The following ZNF239 variants were observed in gnomAD, a reference collection of about 807,000 sequenced individuals.
The protein encoded by ZNF239 is zinc finger protein (C2H2) homologous to mouse MOK-2.
Under a neutral mutation model 27.5 loss-of-function variants are expected in ZNF239, and 16 were observed. The ratio of observed to expected loss-of-function variants is 0.58; its 90% CI spans 0.39 to 0.88. ZNF239 has a LOEUF of 0.88. Ranked by LOEUF, ZNF239 falls within the 40% of genes least tolerant of loss-of-function variation. The probability of loss-of-function intolerance (pLI) is 0.00; values close to 1 mark genes in which losing one functional copy is unlikely to be tolerated. For synonymous variants in ZNF239, 199 were observed against 192.6 expected, an observed-to-expected ratio of 1.03 and a Z score of -0.27; for missense variants, 527 against 551.9, an observed-to-expected ratio of 0.95 and a Z score of 0.45.
Position 43,557,198 on chromosome 10 carries a change from G to C in ZNF239, c.882C>G (p.Asp294Glu). 1 of 1,613,794 alleles carries C rather than the reference G, an allele frequency of 6.2e-7. No individual in the cohort carries two copies. The highest frequency in any genetic ancestry group is 2.2e-5 in the East Asian group (1 of 44,846). ...TCTGACTAAAGCCCTTCCCACACTTGTCACATTTATAAGGTTTTTCGCCTG... is the reference window on the plus strand; with the variant it reads ...TCTGACTAAAGCCCTTCCCACACTTCTCACATTTATAAGGTTTTTCGCCTG... ...VHTGEKPYKC[D>E]KCGKGFSQSS... is the part of the protein sequence containing the mutation. Residue 294 changes from aspartate to glutamate, a missense_variant, in exon 4 of 4, where the codon GAC (aspartate) becomes GAG (glutamate). Asp to Glu is a conservative substitution (Grantham distance 45). Transcript: ENST00000374446.
chr10:43,556,667 A>G lies in ZNF239; in HGVS notation c.*36T>C, dbSNP rs1050363653. On this transcript the variant is annotated 3_prime_UTR_variant, in exon 4 of 4. Coordinates refer to ENST00000374446, the MANE Select transcript of ZNF239 (RefSeq NM_001099282.2). ...CTAAATATTTAACAGTTTTTACAGT[A>G]TGAGCGCTGTGAAGACCTGAATGGG... 2 of 1,592,494 alleles carry G rather than the reference A, an allele frequency of 1.3e-6. No individual in the cohort carries two copies. The highest frequency in any genetic ancestry group is 2.7e-5 in the African/African-American group (2 of 74,310).
At chr10:43,560,379 A>G (rs539674203) in intron 3 of ZNF239, among the ~76,000 whole-genome samples, 1 of 152,336 alleles carries the variant, frequency 6.6e-6, no homozygotes, top group South Asian at 2.1e-4. Context: ...GACAAGGAAG[A>G]TAGCCCAGCG....
chr10:43,556,934 C>A lies in ZNF239; in HGVS notation c.1146G>T (p.Lys382Asn), dbSNP rs753462647. ...EKPYQCYECGKGFSQSSDLRI... is the reference protein window; with the variant it reads ...EKPYQCYECGNGFSQSSDLRI... ...GAAGATCCGAGCTCTGGCTGAAACCCTTCCCACACTCATAGCATTGGTAAG... is the reference window on the plus strand; with the variant it reads ...GAAGATCCGAGCTCTGGCTGAAACCATTCCCACACTCATAGCATTGGTAAG... The change falls in exon 4 of 4, where the codon AAG (lysine) becomes AAT (asparagine). Residue 382 changes from lysine to asparagine, a missense_variant. Physicochemically the swap from Lys to Asn is moderately conservative, Grantham distance 94. Coordinates refer to ENST00000374446, the MANE Select transcript of ZNF239 (RefSeq NM_001099282.2). 6.2e-7 allele frequency: 1 copy of A among 1,613,796 alleles called. No homozygotes were observed. The highest frequency in any genetic ancestry group is 1.1e-5 in the South Asian group (1 of 91,066).
At chr10:43,574,306 G>A (rs1838218616) in intron 1 of ZNF239, among the ~76,000 whole-genome samples, 1 of 152,192 alleles carries the variant, frequency 6.6e-6, no homozygotes, top group Non-Finnish European at 1.5e-5. Flanking sequence ...CTCAGCTGCA[G>A]GGCCCCACAG....
At chr10:43,559,942 T>C (rs1837103012) in intron 3 of ZNF239, among the ~76,000 whole-genome samples, 1 of 152,126 alleles carries the variant, frequency 6.6e-6, no homozygotes, top group Non-Finnish European at 1.5e-5. Context: ...ATCATAGAAA[T>C]TCAATTACCA....
Position 43,556,402 on chromosome 10 carries a change from C to G in ZNF239, c.*301G>C, listed in dbSNP as rs1437520443. The stretch of plus-strand genomic sequence containing the variant: ...GAATGTGAACAAAGGGAAACATGCC[C>G]TGCTTGAGAATAAATATAAAGTTCT... On this transcript the variant is annotated 3_prime_UTR_variant, in exon 4 of 4. Transcript: ENST00000374446. 2 of 296,496 alleles carry G rather than the reference C, an allele frequency of 6.7e-6. No homozygotes were observed. Among genetic ancestry groups the G allele is most frequent in the Non-Finnish European group, 1.3e-5 (2 of 159,676 alleles). 18.4% of individuals were successfully genotyped at this position (296,496 alleles called of 1,614,324 possible).
intron 2 of ZNF239, 138 bp downstream of exon 2, chr10:43,573,499 A>T: frequency 4.6e-6 from 2 of 437,172 alleles, no homozygotes; most frequent in Non-Finnish European, 6.1e-6. Flanking sequence ...TGCTAGCTAC[A>T]TGTCCTTAGT....
At chr10:43,571,632 C>T (rs1202982032) in intron 2 of ZNF239, among the ~76,000 whole-genome samples, 1 of 152,146 alleles carries the variant, frequency 6.6e-6, no homozygotes, top group Admixed American at 6.5e-5. Context: ...GATCTCAGCT[C>T]ACTACAACCT....
At chr10:43,565,897 G>A (rs1564464206) in intron 3 of ZNF239, among the ~76,000 whole-genome samples, 1 of 150,630 alleles carries the variant, frequency 6.6e-6, no homozygotes. Context: ...AGAAGCTGGA[G>A]GAAACAGAAA....
At chr10:43,560,247 G>A (rs1038866547) in intron 3 of ZNF239, among the ~76,000 whole-genome samples, 4 of 152,186 alleles carry the variant, frequency 2.6e-5, no homozygotes, top group Non-Finnish European at 5.9e-5. Flanking sequence ...GAAGAGAGAA[G>A]CAGAGGTTGA....
chr10:43,568,164 G>A, intron 2 of ZNF239, 143 bp from the exon 3 acceptor site: 1 of 985,532 alleles, frequency 1.0e-6, no homozygotes, highest in African/African-American at 1.7e-5. Flanking sequence ...GCTAAGCCAA[G>A]TTTTGTTGGA....
chr10:43,556,832 G>C lies in ZNF239; in HGVS notation c.1248C>G (p.Ser416=). The change falls in exon 4 of 4, where the codon TCC becomes TCG. Residue 416 remains serine, a synonymous_variant. Coordinates refer to ENST00000374446, the MANE Select transcript of ZNF239 (RefSeq NM_001099282.2). The part of the protein sequence containing the change: ...GKCGKGFSQS[S]KLLIHQRVHT... ...GTACTCTCTGGTGGATGAGGAGTTT[G>C]GAACTCTGGCTAAATCCCTTCCCAC... 6.8e-6 allele frequency: 11 copies of C among 1,613,082 alleles called. No individual in the cohort carries two copies. Among genetic ancestry groups the C allele is most frequent in the Non-Finnish European group, 9.3e-6 (11 of 1,179,748 alleles).
At chr10:43,571,758 A>G (rs985487518) in intron 2 of ZNF239, among the ~76,000 whole-genome samples, 2 of 152,040 alleles carry the variant, frequency 1.3e-5, no homozygotes, top group African/African-American at 2.4e-5. Context: ...AGGTTTCACT[A>G]TGTTGGCCAG....
rs569368530 is a variant in ZNF239, at chr10:43,570,169, C to G, written c.-215-2148G>C. 1.8e-5 allele frequency: 18 copies of G among 985,412 alleles called. No individual in the cohort carries two copies. In the East Asian group the frequency reaches 1.8e-3, roughly 99 times the overall value. The allele number at this position is 985,412 out of a possible 1,614,324, so 61.0% of individuals were successfully genotyped here. A position where few individuals can be genotyped will look rare whatever the true frequency, so the allele number is the denominator to read the frequency against. On this transcript the variant is annotated intron_variant, in intron 2 of 3. Transcript: ENST00000374446. ...GGCCTGCCCTGCAGGAGTGACATGA[C>G]TTACCCAACTTGTCACCAGTGGGGA...
intron 3 of ZNF239, among the ~76,000 whole-genome samples, chr10:43,564,002 C>T (rs185142545): frequency 6.6e-6 from 1 of 152,268 alleles, no homozygotes; most frequent in East Asian, 1.9e-4. Context: ...CCTTCAACGC[C>T]ATAACTGAGC....
Position 43,556,851 on chromosome 10 carries a change from T to C in ZNF239, c.1229A>G (p.Lys410Arg), listed in dbSNP as rs1279414146. ...GAGTTTGGAACTCTGGCTAAATCCCTTCCCACACTTGCCACAGTGATAGGG... is the reference window on the plus strand; with the variant it reads ...GAGTTTGGAACTCTGGCTAAATCCCCTCCCACACTTGCCACAGTGATAGGG... ...EKPYHCGKCG[K>R]GFSQSSKLLI... The change falls in exon 4 of 4, where the codon AAG (lysine) becomes AGG (arginine). Residue 410 changes from lysine to arginine, a missense_variant. Physicochemically the swap from Lys to Arg is conservative, Grantham distance 26. Coordinates refer to ENST00000374446, the MANE Select transcript of ZNF239 (RefSeq NM_001099282.2). The C allele has an allele frequency of 1.2e-6, 2 of 1,613,798 alleles. No homozygotes were observed. Among genetic ancestry groups the C allele is most frequent in the Admixed American group, 1.7e-5 (1 of 59,962 alleles).
At position 43,556,453 on chromosome 10, in the gene ZNF239, T is replaced by A. The variant is rs2999277; in HGVS notation, c.*250A>T. Reference sequence around the variant, plus strand: ...TGCCGTTAAAATGCTGGGTAGAACATGTAGTTGAATTGTAAAGTACAGACA... The same window carrying A: ...TGCCGTTAAAATGCTGGGTAGAACAAGTAGTTGAATTGTAAAGTACAGACA... On this transcript the variant is annotated 3_prime_UTR_variant, in exon 4 of 4. Transcript: ENST00000374446. 0.54 allele frequency: 239,655 copies of A among 442,370 alleles called. 65,570 individuals are homozygous for A. The highest frequency in any genetic ancestry group is 0.6 in the South Asian group (11,149 of 18,656). 27.4% of individuals were successfully genotyped at this position (442,370 alleles called of 1,614,324 possible). A position where few individuals can be genotyped will look rare whatever the true frequency, so the allele number is the denominator to read the frequency against.
rs187434934 is a variant in ZNF239 at position 43,556,672 on chromosome 10, C to T, written c.*31G>A. 116 of 1,597,266 alleles carry T rather than the reference C, an allele frequency of 7.3e-5. No individual in the cohort carries two copies. The East Asian group carries it at 1.1e-3, about 16-fold the overall frequency. On this transcript the variant is annotated 3_prime_UTR_variant, in exon 4 of 4. Coordinates refer to ENST00000374446, the MANE Select transcript of ZNF239 (RefSeq NM_001099282.2). ...TATTTAACAGTTTTTACAGTATGAG[C>T]GCTGTGAAGACCTGAATGGGCTAAT...
At chr10:43,564,377 C>T in intron 3 of ZNF239, 1 of 632,994 alleles carries the variant, frequency 1.6e-6, no homozygotes, top group Non-Finnish European at 2.0e-6. Flanking sequence ...AAAACGATGG[C>T]AACAATCTGA....
Sources: gnomAD v4.1 joint callset for allele counts (sites outside exome capture counted in the v4.1 genomes callset) on GRCh38, gnomAD v4.1.1 for gene constraint, MANE v1.5 for transcripts, NCBI Gene and HGNC (gene_info 2026-07-23, HGNC 2026-07-21) for gene names.